The following RAPGEF4 variants were observed in gnomAD, a reference collection of about 807,000 sequenced individuals.
RAPGEF4 encodes Rap guanine nucleotide exchange factor 4.
RAPGEF4 carries 66 observed loss-of-function variants against 147.9 expected under a neutral mutation model. The observed-to-expected ratio is 0.45, with a 90% CI of 0.37 to 0.55. The LOEUF (loss-of-function observed/expected upper bound fraction) is 0.55, where lower values mean the gene tolerates loss of function less well. Among genes scored for constraint, RAPGEF4 ranks in the 20% least tolerant of loss-of-function variants. The pLI, the probability that RAPGEF4 is intolerant of heterozygous loss-of-function variation, is 0.00. For missense variants in RAPGEF4, 1,071 were observed against 1,257.3 expected (o/e 0.85, Z 2.24); for synonymous variants, 419 against 442.7 (o/e 0.95, Z 0.67).
intron 4 of RAPGEF4, among the ~76,000 whole-genome samples, chr2:172,881,341 A>G (rs1001346617): frequency 3.9e-5 from 6 of 152,322 alleles, no homozygotes; most frequent in African/African-American, 1.4e-4. Flanking sequence ...TGAGGCTCTT[A>G]CTGAGCTCTC....
At chr2:173,024,271 G>A (rs904577834) in intron 23 of RAPGEF4, among the ~76,000 whole-genome samples, 1 of 137,032 alleles carries the variant, frequency 7.3e-6, no homozygotes, top group Non-Finnish European at 1.6e-5. Flanking sequence ...AGGCTGGAGT[G>A]CAGTGGCGGG....
At chr2:172,953,213 ATTTATATAATATACAATCTT>A (rs1213762028) in intron 6 of RAPGEF4, among the ~76,000 whole-genome samples, 1 of 148,548 alleles carries the variant, frequency 6.7e-6, no homozygotes, top group Non-Finnish European at 1.5e-5. Context: ...GATATTTTAC[ATTTATATAATATACAATCTT>A]TTATATCTAT....
chr2:172,894,235 A>G (rs1698234142), intron 4 of RAPGEF4: 1 of 152,206 alleles, frequency 6.6e-6, no homozygotes, highest in Admixed American at 6.5e-5. Context: ...CTGGTAGAGA[A>G]CCTTAGAGTC....
chr2:172,838,113 G>C (rs534085337), intron 4 of RAPGEF4, among the ~76,000 whole-genome samples: 1 of 151,530 alleles, frequency 6.6e-6, no homozygotes, highest in Admixed American at 6.6e-5. Flanking sequence ...AGTACCAGAA[G>C]GCTAAGGCTA....
At chr2:172,884,047 C>T (rs924401021) in intron 4 of RAPGEF4, among the ~76,000 whole-genome samples, 17 of 152,142 alleles carry the variant, frequency 1.1e-4, no homozygotes, top group African/African-American at 2.7e-4. Context: ...AGGCTTCTTC[C>T]GGTAACTAAA....
intron 6 of RAPGEF4, among the ~76,000 whole-genome samples, chr2:172,959,535 AG>A (rs112711821): frequency 0.03 from 4,572 of 151,832 alleles, 216 homozygotes; most frequent in African/African-American, 0.1. Flanking sequence ...AATCAGGGGG[AG>A]TATTATTCTG....
intron 1 of RAPGEF4, among the ~76,000 whole-genome samples, chr2:172,756,036 C>T (rs1297441144): frequency 6.6e-6 from 1 of 152,128 alleles, no homozygotes; most frequent in Non-Finnish European, 1.5e-5. Flanking sequence ...CATCTCCTGT[C>T]AATAAAAACT....
At chr2:172,941,514 A>G (rs1331570148) in intron 6 of RAPGEF4, among the ~76,000 whole-genome samples, 1 of 152,196 alleles carries the variant, frequency 6.6e-6, no homozygotes, top group African/African-American at 2.4e-5. Context: ...AATCCATGGA[A>G]AGTTCTTATT....
At chr2:172,997,415 G>A (rs1001419613) in intron 16 of RAPGEF4, among the ~76,000 whole-genome samples, 8 of 152,118 alleles carry the variant, frequency 5.3e-5, no homozygotes, top group East Asian at 1.9e-4. Flanking sequence ...TTCCAAAGAC[G>A]ATTATATTCT....
At chr2:173,020,386 C>T (rs577722557) in intron 22 of RAPGEF4, among the ~76,000 whole-genome samples, 1 of 152,214 alleles carries the variant, frequency 6.6e-6, no homozygotes, top group Non-Finnish European at 1.5e-5. Flanking sequence ...GTGAATTGAC[C>T]CTCTGGCATC....
chr2:172,946,825 T>A (rs1342788927), intron 6 of RAPGEF4, among the ~76,000 whole-genome samples: 1 of 152,198 alleles, frequency 6.6e-6, no homozygotes, highest in East Asian at 1.9e-4. Context: ...GGCATGGGCA[T>A]CCCTCTGACC....
chr2:172,877,746 G>T (rs935020769), intron 4 of RAPGEF4, among the ~76,000 whole-genome samples: 1 of 152,120 alleles, frequency 6.6e-6, no homozygotes, highest in Non-Finnish European at 1.5e-5. Flanking sequence ...CCAGCCAAGT[G>T]CTGGCCTGAA....
In RAPGEF4 at chr2:173,009,561, T is replaced by C. The variant is rs142670115; in HGVS notation, c.1659-4903T>C. Reference sequence around the variant, plus strand: ...GAAGTTTTTTTAGCTCTCATACCAGTAGGTATAATGCAAACATTCCAAAAT... The same window carrying C: ...GAAGTTTTTTTAGCTCTCATACCAGCAGGTATAATGCAAACATTCCAAAAT... On this transcript the variant is annotated intron_variant, in intron 17 of 30. Transcript: ENST00000397081. 1.2e-3 allele frequency among the ~76,000 whole-genome samples: 178 copies of C among 152,092 alleles called. 2 individuals are homozygous for C. The highest frequency in any genetic ancestry group is 4.1e-3 in the Admixed American group (62 of 15,276).
intron 29 of RAPGEF4, among the ~76,000 whole-genome samples, chr2:173,047,603 A>C (rs907684623): frequency 6.6e-6 from 1 of 152,206 alleles, no homozygotes; most frequent in Non-Finnish European, 1.5e-5. Context: ...CGAAATATTA[A>C]CAAGATTACT....
At chr2:173,008,781 CAGT>C (rs1214453301) in intron 17 of RAPGEF4, among the ~76,000 whole-genome samples, 2 of 151,654 alleles carry the variant, frequency 1.3e-5, no homozygotes, top group African/African-American at 4.9e-5. Context: ...AGTAAATGAG[CAGT>C]TAAAAAAAAG....
At chr2:173,007,862 G>A (rs945761990) in intron 17 of RAPGEF4, among the ~76,000 whole-genome samples, 1 of 152,154 alleles carries the variant, frequency 6.6e-6, no homozygotes, top group African/African-American at 2.4e-5. Flanking sequence ...GAAGTAAAAA[G>A]ACCTGTGTTT....
At chr2:173,017,057 C>G in intron 19 of RAPGEF4, 117 bp from the exon 20 acceptor site, 1 of 1,001,180 alleles carries the variant, frequency 1.0e-6, no homozygotes, top group Non-Finnish European at 1.5e-6. Flanking sequence ...CATATTGTCT[C>G]CTGAAAGGAT....
chr2:173,035,714 C>G (rs1004152976), intron 27 of RAPGEF4, among the ~76,000 whole-genome samples: 12 of 152,068 alleles, frequency 7.9e-5, no homozygotes, highest in Non-Finnish European at 1.3e-4. Context: ...GACTAGAGGC[C>G]TTACTGATAA....
At chr2:172,833,777 GT>G in intron 4 of RAPGEF4, among the ~76,000 whole-genome samples, 1 of 152,190 alleles carries the variant, frequency 6.6e-6, no homozygotes, top group African/African-American at 2.4e-5. Flanking sequence ...TCCTTTATGA[GT>G]TTTTTCCTCA....
Sources: allele counts gnomAD v4.1 joint callset (sites outside exome capture counted in the v4.1 genomes callset), GRCh38; gene constraint gnomAD v4.1.1; transcripts MANE v1.5; gene names NCBI Gene and HGNC (gene_info 2026-07-23, HGNC 2026-07-21).